Variants in KCNIP4 observed in about 807,000 individuals in gnomAD.
KCNIP4 encodes Kv channel-interacting protein 4.
A neutral mutation model predicts 34.0 loss-of-function variants in KCNIP4; 12 were observed. That is an observed-to-expected ratio of 0.35 (90% confidence interval 0.23 to 0.57). KCNIP4 has a LOEUF of 0.57. KCNIP4 is among the 20% of genes least tolerant of loss of function. KCNIP4 has a pLI of 0.83. For synonymous variants in KCNIP4, 124 were observed against 102.2 expected (o/e 1.21, Z -1.29); for missense variants, 238 against 311.7 (o/e 0.76, Z 1.78).
intron 1 of KCNIP4, among the ~76,000 whole-genome samples, chr4:21,321,818 G>A (rs1714487941): frequency 6.8e-6 from 1 of 147,500 alleles, no homozygotes; most frequent in African/African-American, 2.5e-5. Context: ...AGGAGGGAAG[G>A]AGAAAAAGAA....
At chr4:20,948,141 T>C (rs1732389333) in intron 1 of KCNIP4, among the ~76,000 whole-genome samples, 2 of 152,220 alleles carry the variant, frequency 1.3e-5, no homozygotes, top group South Asian at 4.1e-4. Context: ...CAGCAGACCA[T>C]TGACTTTTCT....
chr4:21,112,339 A>G (rs1219448488), intron 1 of KCNIP4, among the ~76,000 whole-genome samples: 2 of 152,156 alleles, frequency 1.3e-5, no homozygotes, highest in African/African-American at 4.8e-5. Flanking sequence ...CCAAGCAATC[A>G]TCATGATCGA....
chr4:21,554,495 A>C (rs1292865337), intron 1 of KCNIP4, among the ~76,000 whole-genome samples: 1 of 152,158 alleles, frequency 6.6e-6, no homozygotes, highest in Non-Finnish European at 1.5e-5. Context: ...TCCTCGAATA[A>C]TTGCTCTGAT....
intron 1 of KCNIP4, among the ~76,000 whole-genome samples, chr4:21,525,775 T>C (rs912035773): frequency 1.3e-5 from 2 of 152,152 alleles, no homozygotes; most frequent in Non-Finnish European, 2.9e-5. Context: ...ACTCTTTATA[T>C]ACAACTGAAA....
At chr4:21,863,749 A>AC (rs1372149499) in intron 1 of KCNIP4, among the ~76,000 whole-genome samples, 1 of 152,190 alleles carries the variant, frequency 6.6e-6, no homozygotes, top group East Asian at 1.9e-4. Context: ...CCTAGATCCA[A>AC]CCATACCTGC....
chr4:20,928,611 T>C (rs1042362321), intron 1 of KCNIP4, among the ~76,000 whole-genome samples: 3 of 149,308 alleles, frequency 2.0e-5, no homozygotes, highest in Non-Finnish European at 4.5e-5. Context: ...AAAAAGAAAA[T>C]AATAAAGACT....
chr4:21,873,767 C>A (rs1195956332), intron 1 of KCNIP4, among the ~76,000 whole-genome samples: 1 of 152,134 alleles, frequency 6.6e-6, no homozygotes, highest in East Asian at 1.9e-4. Flanking sequence ...GTAAACAGAT[C>A]AATAGGAAGT....
intron 1 of KCNIP4, among the ~76,000 whole-genome samples, chr4:20,927,978 T>C (rs537633594): frequency 3.3e-5 from 5 of 152,204 alleles, no homozygotes; most frequent in Non-Finnish European, 5.9e-5. Context: ...ATGGGACTAA[T>C]TTATTCAATT....
At chr4:20,989,339 C>A (rs1736876389) in intron 1 of KCNIP4, among the ~76,000 whole-genome samples, 1 of 152,188 alleles carries the variant, frequency 6.6e-6, no homozygotes, top group Non-Finnish European at 1.5e-5. Flanking sequence ...TAAAAATTTG[C>A]AAATGCATAA....
chr4:21,582,541 A>C (rs1741314039), intron 1 of KCNIP4, among the ~76,000 whole-genome samples: 1 of 152,006 alleles, frequency 6.6e-6, no homozygotes, highest in Non-Finnish European at 1.5e-5. Flanking sequence ...ATCTTCAGAA[A>C]AAGTGAATAT....
At chr4:21,042,814 C>T (rs760650644) in intron 1 of KCNIP4, among the ~76,000 whole-genome samples, 2 of 152,004 alleles carry the variant, frequency 1.3e-5, no homozygotes, top group Non-Finnish European at 2.9e-5. Flanking sequence ...ATGTGTCAAT[C>T]GTGAATAAGC....
chr4:21,230,101 G>A (rs995828371), intron 1 of KCNIP4, among the ~76,000 whole-genome samples: 32 of 152,074 alleles, frequency 2.1e-4, no homozygotes, highest in African/African-American at 7.5e-4. Context: ...ATAAGGGGAG[G>A]GAGATTTGAG....
chr4:21,480,517 G>A (rs1252248904), intron 1 of KCNIP4, among the ~76,000 whole-genome samples: 1 of 152,090 alleles, frequency 6.6e-6, no homozygotes. Flanking sequence ...TCACTAATAT[G>A]ACAAGAATAC....
chr4:20,866,896 G>A (rs1722931722), intron 2 of KCNIP4, among the ~76,000 whole-genome samples: 1 of 151,890 alleles, frequency 6.6e-6, no homozygotes, highest in Non-Finnish European at 1.5e-5. Context: ...CGAGAACACA[G>A]TCTCAATTAC....
In KCNIP4 at chr4:21,914,081, G is replaced by T. The variant is rs373397826; in HGVS notation, c.61+34490C>A. On this transcript the variant is annotated intron_variant, in intron 1 of 8. Coordinates refer to ENST00000382152, the MANE Select transcript of KCNIP4 (RefSeq NM_025221.6). Reference sequence around the variant, plus strand: ...GAAACAAAGGCCTGTGCAAAGCTGAGAATTTGGCCCTTCATCCAAGAGCTA... The same window carrying T: ...GAAACAAAGGCCTGTGCAAAGCTGATAATTTGGCCCTTCATCCAAGAGCTA... 3.9e-5 allele frequency among the ~76,000 whole-genome samples: 6 copies of T among 152,156 alleles called. No homozygotes were observed. In the East Asian group the frequency reaches 1.2e-3, roughly 29 times the overall value.
chr4:21,344,922 A>C (rs2109356090), intron 1 of KCNIP4, among the ~76,000 whole-genome samples: 1 of 152,272 alleles, frequency 6.6e-6, no homozygotes, highest in South Asian at 2.1e-4. Flanking sequence ...TCTGACAGAA[A>C]GTTCTGGTGT....
intron 1 of KCNIP4, among the ~76,000 whole-genome samples, chr4:21,024,208 A>T (rs1740331862): frequency 6.6e-6 from 1 of 152,212 alleles, no homozygotes; most frequent in Admixed American, 6.5e-5. Flanking sequence ...AACCAAGTAA[A>T]GTAATGCTTT....
chr4:21,538,688 A>G (rs1324658712), intron 1 of KCNIP4, among the ~76,000 whole-genome samples: 1 of 152,144 alleles, frequency 6.6e-6, no homozygotes, highest in Non-Finnish European at 1.5e-5. Context: ...CACCCTTCAC[A>G]TGGAGCACAC....
chr4:21,333,644 C>T (rs1023354838), intron 1 of KCNIP4, among the ~76,000 whole-genome samples: 2 of 151,768 alleles, frequency 1.3e-5, no homozygotes, highest in African/African-American at 4.8e-5. Context: ...ATAGTTTTTA[C>T]CTCTTGCTGA....
Sources: allele counts gnomAD v4.1 joint callset (sites outside exome capture counted in the v4.1 genomes callset), GRCh38; gene constraint gnomAD v4.1.1; transcripts MANE v1.5; gene names NCBI Gene and HGNC (gene_info 2026-07-23, HGNC 2026-07-21).